CACNA2D3: variants seen among roughly 807,000 people sequenced by gnomAD.
CACNA2D3 encodes the protein voltage-dependent calcium channel subunit alpha-2/delta-3.
CACNA2D3 carries 60 observed loss-of-function variants against 160.6 expected under a neutral mutation model. That is an observed-to-expected ratio of 0.37 (90% CI 0.30 to 0.46). The LOEUF (loss-of-function observed/expected upper bound fraction) is 0.46. Among genes scored for constraint, CACNA2D3 ranks in the 20% least tolerant of loss-of-function variants. CACNA2D3 has a pLI of 1.00. For synonymous variants in CACNA2D3, 558 were observed against 492.9 expected, an observed-to-expected ratio of 1.13 and a Z score of -1.75; for missense variants, 1,205 against 1,365.0, an observed-to-expected ratio of 0.88 and a Z score of 1.85.
intron 17 of CACNA2D3, among the ~76,000 whole-genome samples, chr3:54,870,547 A>T (rs1032305019): frequency 1.5e-4 from 23 of 152,170 alleles, no homozygotes; most frequent in African/African-American, 5.1e-4. Flanking sequence ...CATTATAAAC[A>T]CCCCACAACC....
chr3:54,808,890 C>G (rs561506859), intron 13 of CACNA2D3, among the ~76,000 whole-genome samples: 6 of 152,074 alleles, frequency 3.9e-5, no homozygotes, highest in African/African-American at 1.4e-4. Context: ...ACCTCTCATA[C>G]GCTATCGGAT....
intron 5 of CACNA2D3, among the ~76,000 whole-genome samples, chr3:54,511,313 G>A (rs1467879454): frequency 1.3e-5 from 2 of 151,508 alleles, no homozygotes; most frequent in African/African-American, 2.4e-5. Context: ...CTTTTTCACT[G>A]CACTCTCCTC....
chr3:54,685,002 A>G (rs920780686), intron 11 of CACNA2D3, among the ~76,000 whole-genome samples: 3 of 152,140 alleles, frequency 2.0e-5, no homozygotes, highest in Admixed American at 2.0e-4. Context: ...GAAAACCCTG[A>G]CTTTGATTAA....
chr3:54,834,762 T>C (rs1325412222), intron 14 of CACNA2D3, among the ~76,000 whole-genome samples: 1 of 152,110 alleles, frequency 6.6e-6, no homozygotes, highest in Non-Finnish European at 1.5e-5. Context: ...AGGAATTTAG[T>C]TTAAGGAATT....
rs114749267 is a variant in CACNA2D3 at position 54,580,701 on chromosome 3, C to T, written c.889-1102C>T. On this transcript the variant is annotated intron_variant, in intron 8 of 37. Transcript: ENST00000474759. ...CAGGCATGGGCCCTAATGGTGTGGT[C>T]CCACTTTGTGGTGGGGAATCCGGCC... Among the ~76,000 whole-genome samples the T allele has an allele frequency of 5.8e-3, 888 of 152,288 alleles. 4 individuals are homozygous for T. The highest frequency in any genetic ancestry group is 0.01 in the Non-Finnish European group (687 of 68,030).
intron 27 of CACNA2D3, among the ~76,000 whole-genome samples, chr3:54,947,823 A>G (rs1701652872): frequency 6.6e-6 from 1 of 152,194 alleles, no homozygotes; most frequent in Non-Finnish European, 1.5e-5. Flanking sequence ...GATGTGGGTC[A>G]GGAAGCATCC....
chr3:54,809,320 T>TC lies in CACNA2D3; in HGVS notation c.1381-7533_1381-7532insC, dbSNP rs1559590268. 2.8e-3 allele frequency among the ~76,000 whole-genome samples: 302 copies of TC among 109,416 alleles called. 20 individuals are homozygous for TC. The highest frequency in any genetic ancestry group is 0.011 in the African/African-American group (263 of 23,706). 71.8% of individuals were successfully genotyped at this position (109,416 alleles called of 152,430 possible). On this transcript the variant is annotated intron_variant, in intron 13 of 37. Transcript: ENST00000474759. ...CCTTCCTTCCTTCTTTCTTTTTTTT[T>TC]TTTTTTTTTGAGACGGAGTCTCGCT...
chr3:54,828,868 A>G (rs1157413245), intron 14 of CACNA2D3, among the ~76,000 whole-genome samples: 1 of 152,248 alleles, frequency 6.6e-6, no homozygotes. Flanking sequence ...TTTTGGCTAA[A>G]AGCAAAATAT....
intron 35 of CACNA2D3, among the ~76,000 whole-genome samples, chr3:55,035,252 A>C (rs1215237008): frequency 6.6e-6 from 1 of 152,226 alleles, no homozygotes; most frequent in Non-Finnish European, 1.5e-5. Context: ...AAACCTTCTG[A>C]TACTACAAAA....
chr3:54,794,676 G>C (rs1174335122), intron 13 of CACNA2D3, among the ~76,000 whole-genome samples: 2 of 150,632 alleles, frequency 1.3e-5, no homozygotes, highest in East Asian at 1.9e-4. Flanking sequence ...ACTAGATACA[G>C]AATTCTAGTT....
chr3:54,969,124 A>G (rs527294414), intron 28 of CACNA2D3, among the ~76,000 whole-genome samples: 1 of 152,304 alleles, frequency 6.6e-6, no homozygotes, highest in South Asian at 2.1e-4. Flanking sequence ...GCTATAAACT[A>G]AGGAGATGGA....
At position 54,969,911 on chromosome 3, in the gene CACNA2D3, C is replaced by T. The variant is rs371404023; in HGVS notation, c.2556+67C>T. 1.8e-4 allele frequency: 250 copies of T among 1,383,876 alleles called. 1 individual carries two copies. The Middle Eastern group carries it at 2.9e-3, about 16-fold the overall frequency. 85.7% of individuals were successfully genotyped at this position (1,383,876 alleles called of 1,614,324 possible). ...AAGGTGACAGATGGTGCTTTATGACCGAGGGAATGCCCTTATAAACAAGGC... is the reference window on the plus strand; with the variant it reads ...AAGGTGACAGATGGTGCTTTATGACTGAGGGAATGCCCTTATAAACAAGGC... On this transcript the variant is annotated intron_variant, in intron 29 of 37. Coordinates refer to ENST00000474759, the MANE Select transcript of CACNA2D3 (RefSeq NM_018398.3).
Position 54,244,396 on chromosome 3 carries a change from A to G in CACNA2D3, c.205-76046A>G, listed in dbSNP as rs117872951. Among the ~76,000 whole-genome samples, 464 of 152,366 alleles carry G rather than the reference A, an allele frequency of 3.0e-3. 10 individuals carry two copies. The East Asian group carries it at 0.046, about 15-fold the overall frequency. Reference sequence around the variant, plus strand: ...ACCGCATATGTGCAAACTGTCATCTATGAAACACAGTAATATTTGTTGTTA... The same window carrying G: ...ACCGCATATGTGCAAACTGTCATCTGTGAAACACAGTAATATTTGTTGTTA... On this transcript the variant is annotated intron_variant, in intron 2 of 37. Transcript: ENST00000474759.
At chr3:54,337,097 C>G (rs62256093) in intron 3 of CACNA2D3, among the ~76,000 whole-genome samples, 31,536 of 152,092 alleles carry the variant, frequency 0.21, 3,396 homozygotes, top group South Asian at 0.33. Flanking sequence ...GACAGACAGA[C>G]AGACAGAAAT....
Position 54,562,940 on chromosome 3 carries a change from A to C in CACNA2D3, c.676+9A>C, listed in dbSNP as rs41277449. The C allele has an allele frequency of 0.031, 50,629 of 1,611,664 alleles. 4,089 individuals carry two copies. The highest frequency in any genetic ancestry group is 0.26 in the African/African-American group (19,695 of 74,876). On this transcript the variant is annotated intron_variant, in intron 6 of 37. Transcript: ENST00000474759. ...TTTTAGGCAGTATCCGGGTGAGTAT[A>C]CCTGCATTGACAGTTATGACTCAGA...
At chr3:54,440,168 G>A (rs1700120975) in intron 4 of CACNA2D3, among the ~76,000 whole-genome samples, 1 of 152,128 alleles carries the variant, frequency 6.6e-6, no homozygotes, top group African/African-American at 2.4e-5. Context: ...AGTGGACCTG[G>A]GGTTAGCCCT....
At chr3:54,618,386 C>CACAA (rs1698908958) in intron 9 of CACNA2D3, among the ~76,000 whole-genome samples, 1 of 144,788 alleles carries the variant, frequency 6.9e-6, no homozygotes, top group Admixed American at 6.9e-5. Flanking sequence ...CACACACACA[C>CACAA]ACACACACAC....
At chr3:54,258,440 AGT>A (rs1702341948) in intron 2 of CACNA2D3, among the ~76,000 whole-genome samples, 1 of 152,202 alleles carries the variant, frequency 6.6e-6, no homozygotes, top group African/African-American at 2.4e-5. Context: ...TCTGTAAGGC[AGT>A]GTCAGATAGT....
intron 9 of CACNA2D3, among the ~76,000 whole-genome samples, chr3:54,602,497 CAAAAAAA>C (rs1156290031): frequency 7.9e-4 from 56 of 71,182 alleles, no homozygotes; most frequent in East Asian, 2.3e-3. Flanking sequence ...GATTCCATCT[CAAAAAAA>C]AAAAAAAAAA....
Sources: allele counts gnomAD v4.1 joint callset (sites outside exome capture counted in the v4.1 genomes callset), GRCh38; gene constraint gnomAD v4.1.1; transcripts MANE v1.5; gene names NCBI Gene and HGNC (gene_info 2026-07-23, HGNC 2026-07-21).